ATP8A2: variants seen among roughly 807,000 people sequenced by gnomAD.
ATP8A2 encodes the protein ATPase phospholipid transporting 8A2, also known as phospholipid-transporting ATPase IB.
ATP8A2 carries 100 observed loss-of-function variants against 165.6 expected under a neutral mutation model. The ratio of observed to expected loss-of-function variants is 0.60; its 90% confidence interval spans 0.51 to 0.71. The LOEUF is 0.71. ATP8A2 is among the 30% of genes least tolerant of loss of function. The pLI is 0.00. For missense variants in ATP8A2, 1,227 were observed against 1,479.5 expected (o/e 0.83, Z 2.80); for synonymous variants, 543 against 548.8 (o/e 0.99, Z 0.15).
In ATP8A2 at chr13:25,550,220, G is replaced by A. The variant is rs1043065279; in HGVS notation, c.892-1118G>A. ...ACTTGGGAGGCGAGGCACAAGAATT[G>A]CTTGAACCCAGGAGGCGGAGGTTGC... On this transcript the variant is annotated intron_variant, in intron 10 of 36. Coordinates refer to ENST00000381655, the MANE Select transcript of ATP8A2 (RefSeq NM_016529.6). 2.6e-5 allele frequency among the ~76,000 whole-genome samples: 4 copies of A among 152,136 alleles called. No homozygotes were observed. The East Asian group carries it at 7.7e-4, about 29-fold the overall frequency.
At chr13:25,631,936 T>C (rs1474929321) in intron 24 of ATP8A2, among the ~76,000 whole-genome samples, 3 of 151,992 alleles carry the variant, frequency 2.0e-5, no homozygotes, top group Non-Finnish European at 2.9e-5. Context: ...ACAATTTAAC[T>C]CAGTTGGAGT....
intron 33 of ATP8A2, among the ~76,000 whole-genome samples, chr13:25,939,003 C>A (rs550692615): frequency 6.6e-6 from 1 of 152,012 alleles, no homozygotes; most frequent in Non-Finnish European, 1.5e-5. Context: ...CCACCACGCC[C>A]GGCTAATTGT....
chr13:25,567,962 G>A (rs1327120351), intron 16 of ATP8A2, among the ~76,000 whole-genome samples: 1 of 152,198 alleles, frequency 6.6e-6, no homozygotes, highest in African/African-American at 2.4e-5. Context: ...AGGATTTGCG[G>A]CTGCACATGC....
At chr13:25,831,981 C>T (rs1356702417) in intron 28 of ATP8A2, among the ~76,000 whole-genome samples, 1 of 151,468 alleles carries the variant, frequency 6.6e-6, no homozygotes, top group Non-Finnish European at 1.5e-5. Context: ...CTCCTGTTGC[C>T]CAGGCTGGAG....
At chr13:25,452,690 C>G (rs2035260920) in intron 1 of ATP8A2, among the ~76,000 whole-genome samples, 1 of 152,156 alleles carries the variant, frequency 6.6e-6, no homozygotes, top group African/African-American at 2.4e-5. Flanking sequence ...TTAGCTTCAT[C>G]AATAGGTACT....
intron 33 of ATP8A2, among the ~76,000 whole-genome samples, chr13:25,941,932 G>T (rs1442449470): frequency 6.6e-6 from 1 of 152,162 alleles, no homozygotes; most frequent in Admixed American, 6.5e-5. Flanking sequence ...CTCCCCTTGA[G>T]ATAGAAATGC....
Position 25,699,327 on chromosome 13 carries a change from AAGCGGTCAT to A in ATP8A2, c.2368_2376del (p.Ala790_Ile792del). The A allele has an allele frequency of 5.0e-6, 8 of 1,612,974 alleles. No homozygotes were observed. Among genetic ancestry groups the A allele is most frequent in the Non-Finnish European group, 6.8e-6 (8 of 1,179,394 alleles). On this transcript the variant is annotated inframe_deletion, in exon 25 of 37. Coordinates refer to ENST00000381655, the MANE Select transcript of ATP8A2 (RefSeq NM_016529.6). Reference sequence around the variant, plus strand: ...TTCCTGGATTTGGCACTCTCGTGCAAAGCGGTCATATGCTGCAGGTAGGAACCTGCAGGC... The same window carrying A: ...TTCCTGGATTTGGCACTCTCGTGCAAATGCTGCAGGTAGGAACCTGCAGGC...
chr13:25,602,870 G>C (rs1040795378), intron 24 of ATP8A2, among the ~76,000 whole-genome samples: 6 of 151,974 alleles, frequency 3.9e-5, no homozygotes, highest in African/African-American at 1.4e-4. Flanking sequence ...AGGAGTTCAA[G>C]ACCAGCCTGG....
intron 35 of ATP8A2, among the ~76,000 whole-genome samples, chr13:25,975,582 GA>G (rs56767162): frequency 0.36 from 52,017 of 144,544 alleles, 9,507 homozygotes; most frequent in Non-Finnish European, 0.42. Context: ...ACTCCATCTC[GA>G]AAAAAAAAAA....
chr13:25,506,264 G>A (rs1308488238), intron 2 of ATP8A2, among the ~76,000 whole-genome samples: 2 of 152,258 alleles, frequency 1.3e-5, no homozygotes, highest in African/African-American at 4.8e-5. Context: ...CTGATTCTAG[G>A]TCATTTCTAT....
chr13:25,535,160 C>G (rs2038237356), intron 6 of ATP8A2, among the ~76,000 whole-genome samples: 1 of 152,148 alleles, frequency 6.6e-6, no homozygotes, highest in Non-Finnish European at 1.5e-5. Flanking sequence ...AGCTGCGGAA[C>G]TGTGAGTAGT....
intron 29 of ATP8A2, among the ~76,000 whole-genome samples, chr13:25,838,734 A>T (rs543807890): frequency 2.6e-5 from 4 of 152,276 alleles, no homozygotes; most frequent in African/African-American, 7.2e-5. Flanking sequence ...GGTTTAAATA[A>T]ATTTAATCTG....
At chr13:25,821,633 T>A (rs2138571371) in intron 27 of ATP8A2, among the ~76,000 whole-genome samples, 1 of 152,376 alleles carries the variant, frequency 6.6e-6, no homozygotes, top group South Asian at 2.1e-4. Context: ...GAAACAAGAT[T>A]TCTAAGTTTT....
At chr13:25,687,443 G>T (rs2042625624) in intron 24 of ATP8A2, among the ~76,000 whole-genome samples, 1 of 152,174 alleles carries the variant, frequency 6.6e-6, no homozygotes, top group African/African-American at 2.4e-5. Flanking sequence ...GCACAGCAGT[G>T]TCCCTAGAGA....
At chr13:25,638,231 C>T (rs140649833) in intron 24 of ATP8A2, among the ~76,000 whole-genome samples, 5,254 of 152,294 alleles carry the variant, frequency 0.034, 155 homozygotes, top group East Asian at 0.13. Flanking sequence ...CAGCTCCTCG[C>T]CAGCAACGGA....
chr13:25,466,820 C>T (rs1404821515), intron 1 of ATP8A2, among the ~76,000 whole-genome samples: 1 of 152,186 alleles, frequency 6.6e-6, no homozygotes, highest in Non-Finnish European at 1.5e-5. Flanking sequence ...CCCTACTGTC[C>T]TGGAGCTTGG....
At chr13:25,538,615 A>T (rs2038364139) in intron 7 of ATP8A2, among the ~76,000 whole-genome samples, 1 of 152,208 alleles carries the variant, frequency 6.6e-6, no homozygotes, top group African/African-American at 2.4e-5. Flanking sequence ...CACTCAGTGC[A>T]GTTCTTGACT....
chr13:25,424,636 T>C (rs2034392059), intron 1 of ATP8A2, among the ~76,000 whole-genome samples: 1 of 152,212 alleles, frequency 6.6e-6, no homozygotes, highest in Admixed American at 6.5e-5. Context: ...AACTTCTTTT[T>C]GGAAACAAGT....
At chr13:25,430,005 A>G (rs57251500) in intron 1 of ATP8A2, among the ~76,000 whole-genome samples, 1 of 152,186 alleles carries the variant, frequency 6.6e-6, no homozygotes, top group African/African-American at 2.4e-5. Flanking sequence ...AGGAGCCAGC[A>G]ATCACAGAGG....
Sources: gnomAD v4.1 joint callset for allele counts (sites outside exome capture counted in the v4.1 genomes callset) on GRCh38, gnomAD v4.1.1 for gene constraint, MANE v1.5 for transcripts, NCBI Gene and HGNC (gene_info 2026-07-23, HGNC 2026-07-21) for gene names.